Variants in PDS5B observed in about 807,000 individuals in gnomAD.
The protein encoded by PDS5B is PDS5 cohesin associated factor B, also known as sister chromatid cohesion protein PDS5 homolog B.
In PDS5B, 51 loss-of-function variants were observed where a neutral mutation model predicts 184.1. That is an observed-to-expected ratio of 0.28 (90% CI 0.22 to 0.35). The LOEUF (loss-of-function observed/expected upper bound fraction) is 0.35, where lower values mean the gene tolerates loss of function less well. Among genes scored for constraint, PDS5B ranks in the 10% least tolerant of loss-of-function variants. The probability of loss-of-function intolerance (pLI) is 1.00; values close to 1 mark genes in which losing one functional copy is unlikely to be tolerated. For missense variants in PDS5B, 1,180 were observed against 1,723.3 expected (o/e 0.68, Z 5.58); for synonymous variants, 566 against 569.2 (o/e 0.99, Z 0.08).
intron 1 of PDS5B, among the ~76,000 whole-genome samples, chr13:32,591,160 G>A (rs1047670174): frequency 2.0e-5 from 3 of 151,212 alleles, no homozygotes; most frequent in Admixed American, 1.3e-4. Flanking sequence ...ATGGAGTCTC[G>A]CTCCGTTGCC....
intron 19 of PDS5B, among the ~76,000 whole-genome samples, chr13:32,717,910 C>CA (rs1233498897): frequency 6.7e-4 from 93 of 139,328 alleles, no homozygotes; most frequent in Middle Eastern, 3.5e-3. Flanking sequence ...CCCACCCCCC[C>CA]AAAAAAAAAC....
At chr13:32,641,418 C>T (rs1950086514) in intron 1 of PDS5B, among the ~76,000 whole-genome samples, 1 of 152,008 alleles carries the variant, frequency 6.6e-6, no homozygotes, top group African/African-American at 2.4e-5. Context: ...ACTTTTTTCT[C>T]AAATATCCTG....
At chr13:32,612,495 A>G (rs2058159220) in intron 1 of PDS5B, among the ~76,000 whole-genome samples, 1 of 152,134 alleles carries the variant, frequency 6.6e-6, no homozygotes, top group Non-Finnish European at 1.5e-5. Context: ...ACCACAATCA[A>G]TTTTAGAATG....
intron 19 of PDS5B, among the ~76,000 whole-genome samples, chr13:32,716,615 T>TG (rs1297055738): frequency 1.3e-4 from 16 of 120,784 alleles, no homozygotes; most frequent in Non-Finnish European, 1.7e-4. Flanking sequence ...GGGAGGGAGG[T>TG]GGGGGGGTCA....
At position 32,667,808 on chromosome 13, in the gene PDS5B, G is replaced by C; in HGVS notation, c.669G>C (p.Lys223Asn). The C allele has an allele frequency of 6.3e-7, 1 of 1,597,052 alleles. No homozygotes were observed. The highest frequency in any genetic ancestry group is 1.1e-5 in the South Asian group (1 of 87,474). Reference protein sequence around the residue: ...QAYDLAKALLKRTAQAIEPYI... With the variant: ...QAYDLAKALLNRTAQAIEPYI... ...ATGATTTGGCAAAGGCTTTACTGAAGAGGACAGCTCAAGCTATTGAGCCAT... is the reference window on the plus strand; with the variant it reads ...ATGATTTGGCAAAGGCTTTACTGAACAGGACAGCTCAAGCTATTGAGCCAT... Residue 223 changes from lysine to asparagine, a missense_variant, in exon 7 of 35, where the codon AAG becomes AAC. Transcript: ENST00000315596.
intron 1 of PDS5B, among the ~76,000 whole-genome samples, chr13:32,633,554 G>A (rs530736081): frequency 2.6e-5 from 4 of 152,246 alleles, no homozygotes; most frequent in South Asian, 2.1e-4. Flanking sequence ...ATATTAATCC[G>A]TATGCAGTCC....
intron 24 of PDS5B, 43 bp from the exon 25 acceptor site, chr13:32,753,289 T>C (rs751503113): frequency 1.3e-6 from 2 of 1,510,614 alleles, no homozygotes; most frequent in South Asian, 2.3e-5. Context: ...TGTTACTCTT[T>C]GCTGCCATTT....
At chr13:32,756,174 T>TA (rs1954171338) in intron 26 of PDS5B, among the ~76,000 whole-genome samples, 1 of 152,150 alleles carries the variant, frequency 6.6e-6, no homozygotes, top group Non-Finnish European at 1.5e-5. Context: ...TTATTATAGT[T>TA]ATGTTTCTGT....
At chr13:32,728,998 A>G (rs1566381816) in intron 19 of PDS5B, among the ~76,000 whole-genome samples, 2 of 152,180 alleles carry the variant, frequency 1.3e-5, no homozygotes, top group African/African-American at 2.4e-5. Context: ...TTACATAGGT[A>G]TACATGTGCC....
At chr13:32,733,432 GA>G in intron 20 of PDS5B, among the ~76,000 whole-genome samples, 1 of 152,046 alleles carries the variant, frequency 6.6e-6, no homozygotes, top group Non-Finnish European at 1.5e-5. Context: ...TAATCTAATT[GA>G]AAAAACTACA....
At chr13:32,716,670 G>GC in intron 19 of PDS5B, among the ~76,000 whole-genome samples, 1 of 137,866 alleles carries the variant, frequency 7.3e-6, no homozygotes, top group Non-Finnish European at 1.6e-5. Context: ...GAGGTGGGGG[G>GC]GGTCAGCCCC....
intron 15 of PDS5B, 54 bp downstream of exon 15, chr13:32,696,956 A>G: frequency 1.8e-6 from 2 of 1,112,682 alleles, no homozygotes; most frequent in East Asian, 2.5e-5. Flanking sequence ...AACATTTTTT[A>G]TAATTTTAAG....
intron 1 of PDS5B, among the ~76,000 whole-genome samples, chr13:32,640,315 C>T (rs2058638251): frequency 6.6e-6 from 1 of 152,246 alleles, no homozygotes; most frequent in African/African-American, 2.4e-5. Context: ...GGCACGATCT[C>T]AGCTCACTGC....
At chr13:32,764,062 C>CAG (rs36030714) in intron 30 of PDS5B, among the ~76,000 whole-genome samples, 107,975 of 151,668 alleles carry the variant, frequency 0.71, 39,002 homozygotes, top group African/African-American at 0.84. Flanking sequence ...TATATTCTAA[C>CAG]GGGAAGGCAG....
chr13:32,640,696 T>C (rs1373607627), intron 1 of PDS5B, among the ~76,000 whole-genome samples: 1 of 152,184 alleles, frequency 6.6e-6, no homozygotes, highest in Non-Finnish European at 1.5e-5. Flanking sequence ...TTCTAGGTTA[T>C]AGTTTTACTA....
chr13:32,636,311 T>C (rs933656350), intron 1 of PDS5B, among the ~76,000 whole-genome samples: 1 of 152,212 alleles, frequency 6.6e-6, no homozygotes, highest in Non-Finnish European at 1.5e-5. Flanking sequence ...TTTTAAAAAA[T>C]TAAAGCTGTC....
At chr13:32,603,304 T>C (rs1371595658) in intron 1 of PDS5B, among the ~76,000 whole-genome samples, 1 of 152,266 alleles carries the variant, frequency 6.6e-6, no homozygotes, top group Non-Finnish European at 1.5e-5. Flanking sequence ...GTTTCAGCTT[T>C]CTACATATGG....
intron 3 of PDS5B, among the ~76,000 whole-genome samples, chr13:32,656,517 A>G (rs532145626): frequency 1.3e-5 from 2 of 150,532 alleles, no homozygotes; most frequent in South Asian, 2.1e-4. Flanking sequence ...TCTTTGAGCA[A>G]TGTTTTGTAA....
At chr13:32,652,356 G>A (rs61946424) in intron 3 of PDS5B, 1 of 183,492 alleles carries the variant, frequency 5.4e-6, no homozygotes, top group Non-Finnish European at 1.1e-5. Flanking sequence ...ATAAACATGA[G>A]TTTATAATAT....
Sources: gnomAD v4.1 joint callset for allele counts (sites outside exome capture counted in the v4.1 genomes callset) on GRCh38, gnomAD v4.1.1 for gene constraint, MANE v1.5 for transcripts, NCBI Gene and HGNC (gene_info 2026-07-23, HGNC 2026-07-21) for gene names.